The following DMD variants were observed in gnomAD, a reference collection of about 807,000 sequenced individuals.
DMD encodes dystrophin.
A neutral mutation model predicts 330.1 loss-of-function variants in DMD; 63 were observed. The ratio of observed to expected loss-of-function variants is 0.19; its 90% CI spans 0.16 to 0.24. The LOEUF (loss-of-function observed/expected upper bound fraction) is 0.24. Ranked by LOEUF, DMD falls within the 10% of genes least tolerant of loss-of-function variation. The pLI is 1.00. For synonymous variants in DMD, 1,223 were observed against 959.8 expected, an observed-to-expected ratio of 1.27 and a Z score of -5.07; for missense variants, 3,344 against 2,684.1, an observed-to-expected ratio of 1.25 and a Z score of -5.43.
intron 44 of DMD, among the ~76,000 whole-genome samples, chrX:32,032,215 T>C (rs1039592548): frequency 3.6e-5 from 4 of 111,973 alleles, no homozygotes; most frequent in Non-Finnish European, 7.5e-5. Context: ...GATATGATTT[T>C]AGATTTATAC....
At chrX:32,135,112 G>C (rs1027926987) in intron 44 of DMD, among the ~76,000 whole-genome samples, 3 of 112,052 alleles carry the variant, frequency 2.7e-5, no homozygotes, top group Non-Finnish European at 5.6e-5. Context: ...CAAGGATTCT[G>C]TAATTACTTC....
chrX:33,113,755 T>C (rs1034450186), intron 1 of DMD, among the ~76,000 whole-genome samples: 20 of 111,832 alleles, frequency 1.8e-4, no homozygotes, highest in Non-Finnish European at 3.2e-4. Flanking sequence ...GAGTGATTCA[T>C]GGACTTTTTT....
At chrX:32,372,409 T>G (rs1375541318) in intron 34 of DMD, among the ~76,000 whole-genome samples, 1 of 111,753 alleles carries the variant, frequency 8.9e-6, no homozygotes, top group Non-Finnish European at 1.9e-5. Context: ...CTCAAGGAAC[T>G]TGTGCAGTTC....
chrX:31,402,060 C>G (rs1472092323), intron 60 of DMD, among the ~76,000 whole-genome samples: 1 of 111,875 alleles, frequency 8.9e-6, no homozygotes, highest in East Asian at 2.8e-4. Flanking sequence ...GCAACTGAAA[C>G]ACAAATACAA....
intron 1 of DMD, among the ~76,000 whole-genome samples, chrX:33,328,038 C>T (rs1362439241): frequency 4.5e-5 from 5 of 111,447 alleles, no homozygotes; most frequent in African/African-American, 1.6e-4. Context: ...GTTCTTCATC[C>T]ACTATAGAAA....
intron 61 of DMD, among the ~76,000 whole-genome samples, chrX:31,343,537 C>A: frequency 9.2e-6 from 1 of 108,506 alleles, no homozygotes; most frequent in Admixed American, 1.0e-4. Flanking sequence ...TTCTGATAAA[C>A]AACAGACAGC....
At chrX:33,261,027 A>T (rs2148904595) in intron 1 of DMD, among the ~76,000 whole-genome samples, 1 of 111,639 alleles carries the variant, frequency 9.0e-6, no homozygotes, top group South Asian at 3.7e-4. Flanking sequence ...ACATAAAAAC[A>T]ATTAAAATTC....
chrX:33,314,342 C>T (rs1603430081), intron 1 of DMD, among the ~76,000 whole-genome samples: 1 of 109,433 alleles, frequency 9.1e-6, no homozygotes, highest in African/African-American at 3.3e-5. Context: ...ACTGCAACCT[C>T]TATCTCCCAG....
At chrX:33,206,318 A>C (rs1353642475) in intron 1 of DMD, among the ~76,000 whole-genome samples, 1 of 111,894 alleles carries the variant, frequency 8.9e-6, no homozygotes, top group Non-Finnish European at 1.9e-5. Context: ...CAAAATACTG[A>C]GTTAAAAATT....
At chrX:31,861,662 GTGTGTATATATATACACACA>G (rs1160949425) in intron 48 of DMD, among the ~76,000 whole-genome samples, 1 of 96,620 alleles carries the variant, frequency 1.0e-5, no homozygotes, top group East Asian at 3.3e-4. Flanking sequence ...GTGTGTGTGT[GTGTGTATATATATACACACA>G]CACACACAGC....
intron 54 of DMD, among the ~76,000 whole-genome samples, chrX:31,644,915 T>A (rs188108993): frequency 1.5e-4 from 17 of 111,793 alleles, no homozygotes; most frequent in African/African-American, 5.2e-4. Context: ...GCTTCTGGAA[T>A]TGCCTACCTG....
chrX:31,515,925 G>C (rs2072146474), intron 55 of DMD, among the ~76,000 whole-genome samples: 1 of 112,088 alleles, frequency 8.9e-6, no homozygotes, highest in African/African-American at 3.2e-5. Flanking sequence ...CAGTTGTTTT[G>C]AAAAGGTGTT....
intron 42 of DMD, among the ~76,000 whole-genome samples, chrX:32,302,823 A>C (rs1467300025): frequency 9.0e-6 from 1 of 111,210 alleles, no homozygotes; most frequent in Non-Finnish European, 1.9e-5. Flanking sequence ...AGTACAGTTG[A>C]GTAGGCAGGG....
At chrX:32,798,823 G>A (rs941051495) in intron 7 of DMD, among the ~76,000 whole-genome samples, 1 of 111,219 alleles carries the variant, frequency 9.0e-6, no homozygotes, top group Non-Finnish European at 1.9e-5. Context: ...TAAAATTAGT[G>A]TTTATGTTCA....
At chrX:32,315,393 A>G (rs758616447) in intron 41 of DMD, among the ~76,000 whole-genome samples, 1 of 110,995 alleles carries the variant, frequency 9.0e-6, no homozygotes, top group South Asian at 3.8e-4. Flanking sequence ...GAGGGATAGC[A>G]TTAGGAGAAA....
At chrX:31,326,724 T>C (rs770476609) in intron 61 of DMD, among the ~76,000 whole-genome samples, 1 of 111,552 alleles carries the variant, frequency 9.0e-6, no homozygotes, top group South Asian at 3.8e-4. Context: ...TTCTACGGAA[T>C]TGGGTTCAGT....
At chrX:32,091,994 A>C (rs1027201973) in intron 44 of DMD, among the ~76,000 whole-genome samples, 1 of 111,842 alleles carries the variant, frequency 8.9e-6, no homozygotes, top group East Asian at 2.8e-4. Flanking sequence ...TTTGGTGTAC[A>C]TGGTTTTCAA....
At chrX:32,672,321 G>C (rs1026017727) in intron 9 of DMD, among the ~76,000 whole-genome samples, 2 of 110,484 alleles carry the variant, frequency 1.8e-5, no homozygotes, top group Admixed American at 1.9e-4. Flanking sequence ...CATTTTCCAA[G>C]AAAAAATAGA....
At chrX:33,194,650 G>A (rs73623920) in intron 1 of DMD, among the ~76,000 whole-genome samples, 6,657 of 110,124 alleles carry the variant, frequency 0.06, 514 homozygotes, top group African/African-American at 0.21. Context: ...AAGTTACTAT[G>A]GTCTTATTAG....
Sources: gnomAD v4.1 joint callset for allele counts (sites outside exome capture counted in the v4.1 genomes callset) on GRCh38, gnomAD v4.1.1 for gene constraint, MANE v1.5 for transcripts, NCBI Gene and HGNC (gene_info 2026-07-23, HGNC 2026-07-21) for gene names.